SEPTIN4: variants seen among roughly 807,000 people sequenced by gnomAD.
The protein encoded by SEPTIN4 is septin-4.
In SEPTIN4, 52 loss-of-function variants were observed where a neutral mutation model predicts 107.1. That is an observed-to-expected ratio of 0.49 (90% CI 0.39 to 0.61). SEPTIN4 has a LOEUF of 0.61. Among genes scored for constraint, SEPTIN4 ranks in the 20% least tolerant of loss-of-function variants. The pLI is 0.00. For synonymous variants in SEPTIN4, 417 were observed against 467.0 expected (o/e 0.89, Z 1.38); for missense variants, 1,048 against 1,243.5 (o/e 0.84, Z 2.36).
chr17:58,534,646 A>G (rs1055926588), intron 3 of SEPTIN4, among the ~76,000 whole-genome samples: 1 of 152,222 alleles, frequency 6.6e-6, no homozygotes, highest in African/African-American at 2.4e-5. Context: ...CCTTGACTAC[A>G]GTACAACTCC....
chr17:58,521,810 G>A lies in SEPTIN4; in HGVS notation c.2395C>T (p.Arg799Trp), dbSNP rs375038332. ...GCCAGGATAGGCACGATGTTGACCC[G>A]CTGATGCAGGGCCTTCATGAATTCA... The part of the protein sequence containing the change: ...DVEFMKALHQ[R>W]VNIVPILAKA... The change falls in exon 9 of 14, where the codon CGG (arginine) becomes TGG (tryptophan). Residue 799 changes from arginine to tryptophan, a missense_variant. Physicochemically the swap from Arg to Trp is moderately radical, Grantham distance 101 (BLOSUM62 -3). Around this residue, in one of 2 missense-constraint regions of SEPTIN4, gnomAD observed 261 missense variants for 371.7 expected, o/e 0.70. Coordinates refer to ENST00000672673, the MANE Select transcript of SEPTIN4 (RefSeq NM_001368771.2). The surrounding 1 kb of genome is among the most constrained non-coding windows in gnomAD (Gnocchi z 6.4). 8.7e-6 allele frequency: 14 copies of A among 1,614,194 alleles called. No homozygotes were observed. The highest frequency in any genetic ancestry group is 1.6e-4 in the Middle Eastern group (1 of 6,062).
intron 3 of SEPTIN4, chr17:58,531,821 G>A: frequency 1.2e-6 from 1 of 812,930 alleles, no homozygotes; most frequent in Non-Finnish European, 1.5e-6. Context: ...GCCAGCCTGT[G>A]CCCGGGGCCG....
rs755421137 is a variant in SEPTIN4, at chr17:58,542,609, T to A, written c.1561+17A>T. 1.3e-6 allele frequency: 2 copies of A among 1,594,054 alleles called. No homozygotes were observed. The highest frequency in any genetic ancestry group is 8.5e-7 in the Non-Finnish European group (1 of 1,170,896). On this transcript the variant is annotated intron_variant, in intron 1 of 13. Transcript: ENST00000672673. ...CTAAATTGGGGCTGCACCTGGGCAG[T>A]CTGCTTCTTCACATACCCAGGAAGA...
intron 3 of SEPTIN4, chr17:58,539,002 C>T (rs2043805893): frequency 8.5e-6 from 5 of 587,478 alleles, no homozygotes; most frequent in South Asian, 5.0e-5. Flanking sequence ...AGCACCACAG[C>T]GTCTCCATCC....
Position 58,520,794 on chromosome 17 carries a change from TG to T in SEPTIN4, c.2879del (p.Pro960HisfsTer33). 6.2e-7 allele frequency: 1 copy of T among 1,614,120 alleles called. No individual in the cohort carries two copies. Among genetic ancestry groups the T allele is most frequent in the Non-Finnish European group, 8.5e-7 (1 of 1,180,020 alleles). ...TCTCAGTTTCTGGATCTGTCCCTGG[TG>T]GGACAGCAGGGATGGGGAAGTCGGT... The part of the protein sequence containing the change: ...SGTDFPIPAV[P>X]PGTDPETEKL... On this transcript the variant is annotated frameshift_variant, in exon 13 of 14. Coordinates refer to ENST00000672673, the MANE Select transcript of SEPTIN4 (RefSeq NM_001368771.2). LOFTEE classifies it high-confidence loss of function.
chr17:58,524,782 G>T, intron 7 of SEPTIN4: 1 of 265,606 alleles, frequency 3.8e-6, no homozygotes, highest in Non-Finnish European at 7.3e-6. Context: ...TGCCCAGGCT[G>T]GCCTTGAACT....
Position 58,521,582 on chromosome 17 carries a change from T to G in SEPTIN4, c.2534A>C (p.Glu845Ala). The G allele has an allele frequency of 6.2e-7, 1 of 1,614,242 alleles. No homozygotes were observed. The highest frequency in any genetic ancestry group is 8.5e-7 in the Non-Finnish European group (1 of 1,180,038). Reference sequence around the variant, plus strand: ...GTCCTGCAATTTGAAGTCCTCATCCTCATCAGAGTCACAGTCTGGGAATTG... The same window carrying G: ...GTCCTGCAATTTGAAGTCCTCATCCGCATCAGAGTCACAGTCTGGGAATTG... Reference protein sequence around the residue: ...IYQFPDCDSDEDEDFKLQDQA... With the variant: ...IYQFPDCDSDADEDFKLQDQA... The change falls in exon 10 of 14, where the codon GAG becomes GCG. Residue 845 changes from glutamate (E) to alanine (A), a missense_variant. Around this residue, in one of 2 missense-constraint regions of SEPTIN4, gnomAD observed 261 missense variants for 371.7 expected, o/e 0.70. Transcript: ENST00000672673. The surrounding 1 kb of genome is among the most constrained non-coding windows in gnomAD (Gnocchi z 6.4).
Position 58,521,442 on chromosome 17 carries a change from G to A in SEPTIN4, c.2572-92C>T, listed in dbSNP as rs1370647486. 2 of 1,557,884 alleles carry A rather than the reference G, an allele frequency of 1.3e-6. No individual in the cohort carries two copies. The highest frequency in any genetic ancestry group is 1.4e-5 in the African/African-American group (1 of 73,746). ...CATCTTCTCTGCTTCATTCTAGGAA[G>A]CCAGGGTCCTTTCCCACCCTGATAG... On this transcript the variant is annotated intron_variant, in intron 10 of 13. Transcript: ENST00000672673. This position sits in a 1 kb window ranked among gnomAD's most constrained non-coding sequence, Gnocchi z 6.4.
intron 3 of SEPTIN4, among the ~76,000 whole-genome samples, chr17:58,539,407 G>T (rs1216509619): frequency 6.6e-6 from 1 of 152,094 alleles, no homozygotes; most frequent in African/African-American, 2.4e-5. Context: ...GTACAGATTT[G>T]CATCTAGGGG....
chr17:58,520,426 T>C lies in SEPTIN4; in HGVS notation c.2991A>G (p.Ter997=), dbSNP rs2042134262. Residue 997 remains the stop codon, a stop_retained_variant, in exon 14 of 14, where the codon TAA becomes TAG. Transcript: ENST00000672673. The part of the protein sequence containing the change: ...KIQKQMKENY[*] Reference sequence around the variant, plus strand: ...TTAAATATCCAGGGCTGAAAGCCAGTTAATAGTTCTCCTTCATCTGTTTTT... The same window carrying C: ...TTAAATATCCAGGGCTGAAAGCCAGCTAATAGTTCTCCTTCATCTGTTTTT... 1 of 1,612,894 alleles carries C rather than the reference T, an allele frequency of 6.2e-7. No homozygotes were observed. Among genetic ancestry groups the C allele is most frequent in the Non-Finnish European group, 8.5e-7 (1 of 1,179,972 alleles).
At chr17:58,531,917 C>T (rs1480981874) in intron 3 of SEPTIN4, 5 of 1,135,706 alleles carry the variant, frequency 4.4e-6, no homozygotes, top group Middle Eastern at 3.7e-4. Flanking sequence ...GCCCTGCGCA[C>T]CCCAGCCCTG....
At chr17:58,528,140 A>G in intron 3 of SEPTIN4, 2 of 635,684 alleles carry the variant, frequency 3.1e-6, no homozygotes, top group Non-Finnish European at 3.9e-6. Context: ...TCTGAGGGTT[A>G]GCCAAGCCAG....
At chr17:58,533,943 T>C (rs377273306) in intron 3 of SEPTIN4, among the ~76,000 whole-genome samples, 1 of 152,188 alleles carries the variant, frequency 6.6e-6, no homozygotes, top group South Asian at 2.1e-4. Flanking sequence ...TCCTCTATTA[T>C]AACATGCCCC....
At position 58,520,268 on chromosome 17, in the gene SEPTIN4, T is replaced by C. The variant is rs1337715427; in HGVS notation, c.*158A>G. 3.1e-6 allele frequency: 2 copies of C among 644,510 alleles called. No homozygotes were observed. The highest frequency in any genetic ancestry group is 4.3e-4 in the Middle Eastern group (1 of 2,312). The allele number at this position is 644,510 out of a possible 1,614,324, so 39.9% of individuals were successfully genotyped here. On this transcript the variant is annotated 3_prime_UTR_variant, in exon 14 of 14. Coordinates refer to ENST00000672673, the MANE Select transcript of SEPTIN4 (RefSeq NM_001368771.2). ...AGGGACACCAGAAGCCACCTACAGA[T>C]TTATTAAACTTTATTTCCTCTGAGT...
intron 7 of SEPTIN4, among the ~76,000 whole-genome samples, chr17:58,523,388 A>G (rs930638226): frequency 1.3e-5 from 2 of 150,178 alleles, no homozygotes; most frequent in Non-Finnish European, 3.0e-5. Context: ...AAAAAAAAGA[A>G]AGGAGGAAGG....
At chr17:58,539,258 G>T in intron 3 of SEPTIN4, 1 of 1,274,730 alleles carries the variant, frequency 7.8e-7, no homozygotes, top group East Asian at 2.7e-5. Flanking sequence ...GAGCCACCCT[G>T]TTGCCAAGGC....
intron 3 of SEPTIN4, chr17:58,531,617 G>C (rs967795749): frequency 5.8e-6 from 1 of 172,114 alleles, no homozygotes; most frequent in Non-Finnish European, 1.2e-5. Context: ...CGAGGATGGG[G>C]ACCCTCACCT....
rs1353850031 is a variant in SEPTIN4 at position 58,538,835 on chromosome 17, C to T, written c.1614+1831G>A. ...ATCAGGCCCCATCCCCAGCTGTTCA[C>T]CCAGAGAGGCTTGTGAAGCTCAACA... On this transcript the variant is annotated intron_variant, in intron 3 of 13. Transcript: ENST00000672673. This position sits in a 1 kb window ranked among gnomAD's most constrained non-coding sequence, Gnocchi z 4.7. 1.3e-5 allele frequency among the ~76,000 whole-genome samples: 2 copies of T among 152,206 alleles called. No individual in the cohort carries two copies. Among genetic ancestry groups the T allele is most frequent in the Non-Finnish European group, 2.9e-5 (2 of 68,036 alleles).
intron 3 of SEPTIN4, 87 bp downstream of exon 3, chr17:58,540,578 GC>G (rs1436010272): frequency 9.3e-7 from 1 of 1,071,588 alleles, no homozygotes; most frequent in Non-Finnish European, 1.2e-6. Context: ...CTCCCTCCAT[GC>G]CCACTCCCAT....
Sources: gnomAD v4.1 joint callset for allele counts (sites outside exome capture counted in the v4.1 genomes callset) on GRCh38, gnomAD v4.1.1 for gene constraint, gnomAD v4.1.1 regional missense constraint, Gnocchi (gnomAD v3.1) non-coding constraint, MANE v1.5 for transcripts, NCBI Gene and HGNC (gene_info 2026-07-23, HGNC 2026-07-21) for gene names.